ZDHHC13: variants seen among roughly 807,000 people sequenced by gnomAD.
ZDHHC13 encodes palmitoyltransferase ZDHHC13.
Under a neutral mutation model 86.0 loss-of-function variants are expected in ZDHHC13, and 85 were observed. That is an observed-to-expected ratio of 0.99 (90% CI 0.83 to 1.18). ZDHHC13 has a LOEUF of 1.18. Among genes scored for constraint, ZDHHC13 ranks in the 50% most tolerant of loss-of-function variants. ZDHHC13 has a pLI of 0.00. For synonymous variants in ZDHHC13, 263 were observed against 246.4 expected (o/e 1.07, Z -0.63); for missense variants, 711 against 730.2 (o/e 0.97, Z 0.30).
At chr11:19,131,635 A>ATT (rs796670922) in intron 1 of ZDHHC13, among the ~76,000 whole-genome samples, 3 of 144,924 alleles carry the variant, frequency 2.1e-5, no homozygotes, top group African/African-American at 7.6e-5. Context: ...TTAGAGATTG[A>ATT]TTTTTTTTTT....
rs746405275 is a variant in ZDHHC13, at chr11:19,166,321, TTACA to T, written c.1413_1416del (p.Ile472SerfsTer52). The T allele has an allele frequency of 6.2e-7, 1 of 1,611,862 alleles. No individual in the cohort carries two copies. The highest frequency in any genetic ancestry group is 8.5e-7 in the Non-Finnish European group (1 of 1,179,314). On this transcript the variant is annotated frameshift_variant, in exon 14 of 17. Transcript: ENST00000446113. LOFTEE classifies it high-confidence loss of function. ...CTTGAGGTTTTGGCAACCATCACTA[TTACA>T]TATTCTTCTTGTTTTTCCTTTCCAT...
chr11:19,155,886 T>A lies in ZDHHC13; in HGVS notation c.964T>A (p.Cys322Ser). The change falls in exon 9 of 17, where the codon TGT becomes AGT. Residue 322 changes from cysteine to serine, a missense_variant. Physicochemically the swap from Cys to Ser is moderately radical, Grantham distance 112. Transcript: ENST00000446113. ...FNSDSWLLKG[C>S]LLVTLFFLTS... ...TTCAGATTCTTGGCTTTTAAAAGGA[T>A]GTCTTCTAGTAACACTGTTTTTTCT... The A allele has an allele frequency of 6.2e-7, 1 of 1,612,638 alleles. No individual in the cohort carries two copies. The highest frequency in any genetic ancestry group is 8.5e-7 in the Non-Finnish European group (1 of 1,179,672).
At chr11:19,163,884 T>G (rs1387376961) in intron 11 of ZDHHC13, among the ~76,000 whole-genome samples, 1 of 152,214 alleles carries the variant, frequency 6.6e-6, no homozygotes, top group Non-Finnish European at 1.5e-5. Context: ...AGTTGGAGAA[T>G]GTTGTCTTTG....
At chr11:19,166,150 G>T (rs2133468625) in intron 13 of ZDHHC13, among the ~76,000 whole-genome samples, 152 bp from the exon 14 acceptor site, 1 of 152,316 alleles carries the variant, frequency 6.6e-6, no homozygotes, top group African/African-American at 2.4e-5. Flanking sequence ...GAAATGTGTG[G>T]TTTGATTTAA....
At chr11:19,164,439 G>A (rs1293227669) in intron 12 of ZDHHC13, 76 bp downstream of exon 12, 1 of 1,361,258 alleles carries the variant, frequency 7.3e-7, no homozygotes, top group Non-Finnish European at 1.0e-6. Context: ...GCATTTGTCA[G>A]ATCTTCATGG....
chr11:19,153,083 C>T (rs532583531), intron 8 of ZDHHC13, among the ~76,000 whole-genome samples: 17 of 152,178 alleles, frequency 1.1e-4, no homozygotes, highest in African/African-American at 4.1e-4. Flanking sequence ...AAAATAATAA[C>T]ATTTACAATG....
intron 1 of ZDHHC13, among the ~76,000 whole-genome samples, chr11:19,130,010 C>A (rs1848958636): frequency 6.6e-6 from 1 of 152,050 alleles, no homozygotes; most frequent in Non-Finnish European, 1.5e-5. Flanking sequence ...AGGGTGTGAA[C>A]CCAGGAGGCA....
At chr11:19,143,836 T>G (rs1025372912) in intron 2 of ZDHHC13, among the ~76,000 whole-genome samples, 1 of 152,208 alleles carries the variant, frequency 6.6e-6, no homozygotes, top group Non-Finnish European at 1.5e-5. Flanking sequence ...ATTGAGCAAA[T>G]TTTGAAGTAT....
At chr11:19,171,805 A>G (rs1850228774) in intron 15 of ZDHHC13, among the ~76,000 whole-genome samples, 1 of 152,176 alleles carries the variant, frequency 6.6e-6, no homozygotes, top group African/African-American at 2.4e-5. Flanking sequence ...ATAATTTTCA[A>G]AAGGAAGAAT....
At position 19,138,333 on chromosome 11, in the gene ZDHHC13, A is replaced by G. The variant is rs1457425181; in HGVS notation, c.28-4645A>G. ...TCTAGAAGAAAGGGATAAATTCCTC[A>G]ACACATACACTCTCCCAAGACTAAA... On this transcript the variant is annotated intron_variant, in intron 1 of 16. Coordinates refer to ENST00000446113, the MANE Select transcript of ZDHHC13 (RefSeq NM_019028.3). 1.3e-3 allele frequency among the ~76,000 whole-genome samples: 197 copies of G among 151,914 alleles called. No homozygotes were observed. In the Middle Eastern group the frequency reaches 0.014, roughly 11 times the overall value.
intron 1 of ZDHHC13, among the ~76,000 whole-genome samples, chr11:19,142,600 A>T (rs1270078317): frequency 8.5e-5 from 13 of 152,222 alleles, no homozygotes; most frequent in Admixed American, 8.5e-4. Flanking sequence ...CACTACAAGT[A>T]ACAAGGTCCA....
intron 1 of ZDHHC13, among the ~76,000 whole-genome samples, chr11:19,132,166 C>T (rs1018472748): frequency 3.3e-5 from 5 of 152,060 alleles, no homozygotes; most frequent in Admixed American, 6.6e-5. Flanking sequence ...TGTGAATGCA[C>T]GTTGATGAGT....
intron 1 of ZDHHC13, among the ~76,000 whole-genome samples, chr11:19,133,702 T>C (rs1220475973): frequency 1.3e-5 from 2 of 151,770 alleles, no homozygotes; most frequent in Admixed American, 6.6e-5. Context: ...AACTGTACTT[T>C]TTAGGGTTGC....
intron 1 of ZDHHC13, among the ~76,000 whole-genome samples, chr11:19,132,606 C>A (rs1174351294): frequency 6.6e-6 from 1 of 152,076 alleles, no homozygotes; most frequent in Non-Finnish European, 1.5e-5. Context: ...GAAATGTGCC[C>A]ACAACTGCCA....
chr11:19,152,760 G>C, intron 8 of ZDHHC13, 76 bp downstream of exon 8: 1 of 1,595,420 alleles, frequency 6.3e-7, no homozygotes, highest in South Asian at 1.1e-5. Context: ...TAAGGCATCA[G>C]AGGAAACCAG....
intron 1 of ZDHHC13, among the ~76,000 whole-genome samples, chr11:19,120,731 G>C (rs1848743887): frequency 6.6e-6 from 1 of 151,966 alleles, no homozygotes; most frequent in Non-Finnish European, 1.5e-5. Flanking sequence ...TTCTTTCTTG[G>C]TATCTCTCTT....
chr11:19,175,742 A>G (rs999802784), intron 16 of ZDHHC13, 80 bp from the exon 17 acceptor site: 7 of 1,524,048 alleles, frequency 4.6e-6, no homozygotes, highest in Non-Finnish European at 4.5e-6. Context: ...GACATTGCAT[A>G]TTATAGATTC....
chr11:19,121,638 C>G (rs1848760933), intron 1 of ZDHHC13, among the ~76,000 whole-genome samples: 1 of 152,108 alleles, frequency 6.6e-6, no homozygotes, highest in Non-Finnish European at 1.5e-5. Flanking sequence ...TTTGCTTAGT[C>G]TGTTCTGTTA....
At chr11:19,131,389 T>C (rs1848997410) in intron 1 of ZDHHC13, among the ~76,000 whole-genome samples, 1 of 152,200 alleles carries the variant, frequency 6.6e-6, no homozygotes. Flanking sequence ...TCCATTAAAC[T>C]TGTAGTTACT....
Sources: gnomAD v4.1 joint callset for allele counts (sites outside exome capture counted in the v4.1 genomes callset) on GRCh38, gnomAD v4.1.1 for gene constraint, MANE v1.5 for transcripts, NCBI Gene and HGNC (gene_info 2026-07-23, HGNC 2026-07-21) for gene names.